Variants in SCARB1 observed in about 807,000 individuals in gnomAD.
SCARB1 encodes CD36 and LIMPII analogous 1.
SCARB1 carries 30 observed loss-of-function variants against 57.2 expected under a neutral mutation model. That is an observed-to-expected ratio of 0.52 (90% CI 0.39 to 0.71). The LOEUF is 0.71. Ranked by LOEUF, SCARB1 falls within the 30% of genes least tolerant of loss-of-function variation. SCARB1 has a pLI of 0.00. For synonymous variants in SCARB1, 249 were observed against 268.3 expected (o/e 0.93, Z 0.70); for missense variants, 543 against 671.2 (o/e 0.81, Z 2.11).
intron 7 of SCARB1, among the ~76,000 whole-genome samples, chr12:124,801,275 G>A (rs1014378625): frequency 2.0e-5 from 3 of 151,980 alleles, no homozygotes; most frequent in Non-Finnish European, 2.9e-5. Flanking sequence ...CCAACGGGTG[G>A]TGACCAGGGG....
intron 7 of SCARB1, among the ~76,000 whole-genome samples, chr12:124,803,590 A>C (rs1345811857): frequency 6.7e-6 from 1 of 149,470 alleles, no homozygotes; most frequent in Non-Finnish European, 1.5e-5. Flanking sequence ...AAAAAACCCC[A>C]AAAACTGCAT....
At chr12:124,855,768 G>A (rs1164468590) in intron 1 of SCARB1, among the ~76,000 whole-genome samples, 3 of 152,168 alleles carry the variant, frequency 2.0e-5, no homozygotes, top group Non-Finnish European at 2.9e-5. Flanking sequence ...AGCCTTGGGG[G>A]GTGTGGCTTA....
chr12:124,779,041 C>G (rs1390087468), intron 12 of SCARB1, among the ~76,000 whole-genome samples: 1 of 152,194 alleles, frequency 6.6e-6, no homozygotes, highest in African/African-American at 2.4e-5. Context: ...GCCTTGAACT[C>G]CTGGGCTCAA....
intron 12 of SCARB1, among the ~76,000 whole-genome samples, chr12:124,780,520 G>A (rs941346393): frequency 7.2e-5 from 11 of 152,188 alleles, no homozygotes; most frequent in African/African-American, 2.7e-4. Flanking sequence ...CCTGCAGGGG[G>A]ACCACCAGCC....
chr12:124,855,720 T>C (rs1022624411), intron 1 of SCARB1, among the ~76,000 whole-genome samples: 1 of 152,192 alleles, frequency 6.6e-6, no homozygotes, highest in Non-Finnish European at 1.5e-5. Context: ...CACAGAATCC[T>C]CCAGGCCCAA....
At chr12:124,824,509 G>T (rs957226393) in intron 1 of SCARB1, among the ~76,000 whole-genome samples, 1 of 152,232 alleles carries the variant, frequency 6.6e-6, no homozygotes, top group Non-Finnish European at 1.5e-5. Context: ...TTTGTAAATG[G>T]TTTTGGTGAA....
intron 11 of SCARB1, chr12:124,783,827 T>A (rs1475655705): frequency 1.3e-5 from 2 of 151,992 alleles, no homozygotes; most frequent in African/African-American, 4.8e-5. Flanking sequence ...AAAAAACTGG[T>A]AAGGTCCTGC....
At chr12:124,797,420 G>T (rs181190654) in intron 8 of SCARB1, among the ~76,000 whole-genome samples, 4 of 152,110 alleles carry the variant, frequency 2.6e-5, no homozygotes, top group African/African-American at 9.7e-5. Context: ...AAGGCCAACA[G>T]GCAGCAAGCT....
At chr12:124,843,293 G>GA (rs138799242) in intron 1 of SCARB1, among the ~76,000 whole-genome samples, 6 of 120,920 alleles carry the variant, frequency 5.0e-5, no homozygotes, top group Non-Finnish European at 9.7e-5. Context: ...GTGGAGATGG[G>GA]GGGGGGGGTC....
At position 124,820,700 on chromosome 12, in the gene SCARB1, C is replaced by A. The variant is rs186132116; in HGVS notation, c.127-2993G>T. 8.6e-4 allele frequency among the ~76,000 whole-genome samples: 131 copies of A among 152,312 alleles called. 1 individual carries two copies. The highest frequency in any genetic ancestry group is 6.6e-3 in the East Asian group (34 of 5,174). On this transcript the variant is annotated intron_variant, in intron 1 of 12. Coordinates refer to ENST00000261693, the MANE Select transcript of SCARB1 (RefSeq NM_005505.5). ...CACATCCAGCTGCTGGTGCTCCCCC[C>A]ATAGAAAACACAGCATCAAAACCCA... is the stretch of plus-strand genomic sequence containing the variant.
chr12:124,838,331 C>T (rs770790298), intron 1 of SCARB1, among the ~76,000 whole-genome samples: 7 of 152,124 alleles, frequency 4.6e-5, no homozygotes, highest in Non-Finnish European at 7.4e-5. Flanking sequence ...CACATGGAGA[C>T]GTGACTGCCT....
At chr12:124,842,081 T>TTA (rs1245899785) in intron 1 of SCARB1, among the ~76,000 whole-genome samples, 1 of 152,100 alleles carries the variant, frequency 6.6e-6, no homozygotes, top group East Asian at 1.9e-4. Flanking sequence ...ATTCAGGTGG[T>TTA]TCATAAACAG....
At chr12:124,802,365 GAA>G (rs1950164804) in intron 7 of SCARB1, among the ~76,000 whole-genome samples, 1 of 152,162 alleles carries the variant, frequency 6.6e-6, no homozygotes, top group African/African-American at 2.4e-5. Context: ...TGGCAAGGAG[GAA>G]AAGAGCATGG....
At chr12:124,803,068 G>T (rs1950189105) in intron 7 of SCARB1, among the ~76,000 whole-genome samples, 2 of 152,234 alleles carry the variant, frequency 1.3e-5, no homozygotes, top group Admixed American at 1.3e-4. Context: ...CAACGTCACG[G>T]ACGAATTGCA....
chr12:124,786,739 T>TG (rs1297316358), intron 10 of SCARB1, among the ~76,000 whole-genome samples: 1 of 152,214 alleles, frequency 6.6e-6, no homozygotes, highest in East Asian at 1.9e-4. Flanking sequence ...TCCTGACCAA[T>TG]GGGAGGTGGA....
chr12:124,793,431 C>T (rs1157448174), intron 9 of SCARB1, among the ~76,000 whole-genome samples: 8 of 150,824 alleles, frequency 5.3e-5, no homozygotes, highest in African/African-American at 2.0e-4. Context: ...GCGGTGCTCA[C>T]GCCTGTAATC....
intron 1 of SCARB1, among the ~76,000 whole-genome samples, chr12:124,835,629 C>A (rs1011111435): frequency 6.6e-6 from 1 of 151,020 alleles, no homozygotes; most frequent in African/African-American, 2.4e-5. Flanking sequence ...ACCGCATCCT[C>A]CCCGCCCCCA....
At chr12:124,801,719 GC>G (rs1432953543) in intron 7 of SCARB1, among the ~76,000 whole-genome samples, 1 of 152,028 alleles carries the variant, frequency 6.6e-6, no homozygotes. Context: ...GGCAGAGGTT[GC>G]GGAGGCTGCA....
rs1157515843 is a variant in SCARB1, at chr12:124,782,758, C to T, written c.1455G>A (p.Glu485=). 1.2e-6 allele frequency: 2 copies of T among 1,613,552 alleles called. No homozygotes were observed. The highest frequency in any genetic ancestry group is 2.7e-5 in the African/African-American group (2 of 74,904). ...GGGATTCAGAATAGGCCTGAATGGC[C>T]TCCTTATCCTTTGAGCCCTTTTTAC... The part of the protein sequence containing the change: ...SSSKKGSKDK[E]AIQAYSESLM... Residue 485 remains glutamate, a synonymous_variant, in exon 12 of 13, where the codon GAG becomes GAA. Transcript: ENST00000261693.
Sources: gnomAD v4.1 joint callset for allele counts (sites outside exome capture counted in the v4.1 genomes callset) on GRCh38, gnomAD v4.1.1 for gene constraint, MANE v1.5 for transcripts, NCBI Gene and HGNC (gene_info 2026-07-23, HGNC 2026-07-21) for gene names.